Variants in SAMD5 observed in about 807,000 individuals in gnomAD.
The protein encoded by SAMD5 is sterile alpha motif domain containing 5.
A neutral mutation model predicts 11.3 loss-of-function variants in SAMD5; 13 were observed. The observed-to-expected ratio is 1.15, with a 90% CI of 0.75 to 1.83. The LOEUF (loss-of-function observed/expected upper bound fraction) is 1.83, where lower values mean the gene tolerates loss of function less well. Ranked by LOEUF, SAMD5 falls within the 40% of genes most tolerant of loss-of-function variation. The pLI, the probability that SAMD5 is intolerant of heterozygous loss-of-function variation, is 0.00. For synonymous variants in SAMD5, 129 were observed against 111.3 expected, an observed-to-expected ratio of 1.16 and a Z score of -1.00; for missense variants, 255 against 239.1, an observed-to-expected ratio of 1.07 and a Z score of -0.44.
the SAMD5 span, among the ~76,000 whole-genome samples, chr6:147,798,053 T>G: frequency 0.32 from 45,160 of 142,622 alleles, 7,760 homozygotes; most frequent in African/African-American, 0.45. Flanking sequence ...AGGGTTTTTT[T>G]TGTCTCTATT....
At chr6:147,826,988 C>G in the SAMD5 span, among the ~76,000 whole-genome samples, 1 of 152,136 alleles carries the variant, frequency 6.6e-6, no homozygotes, top group East Asian at 1.9e-4. Context: ...ATCCTACACC[C>G]GCAAGGATAT....
chr6:147,917,286 T>C, the SAMD5 span, among the ~76,000 whole-genome samples: 9 of 146,472 alleles, frequency 6.1e-5, no homozygotes, highest in African/African-American at 2.3e-4. Flanking sequence ...GTGGTTTTGA[T>C]TTGCATTTCT....
At chr6:147,690,285 T>C (rs1031542354) in intron 1 of SAMD5, among the ~76,000 whole-genome samples, 11 of 152,352 alleles carry the variant, frequency 7.2e-5, no homozygotes, top group Admixed American at 5.2e-4. Flanking sequence ...TAGAAAACTT[T>C]AGCTATTTAT....
At chr6:147,915,434 A>G in the SAMD5 span, among the ~76,000 whole-genome samples, 1 of 152,252 alleles carries the variant, frequency 6.6e-6, no homozygotes, top group African/African-American at 2.4e-5. Flanking sequence ...TTTTAAAAAG[A>G]CAAATGAGTT....
At chr6:147,842,046 G>T in the SAMD5 span, among the ~76,000 whole-genome samples, 1 of 152,210 alleles carries the variant, frequency 6.6e-6, no homozygotes, top group East Asian at 1.9e-4. Context: ...GCTCCTAAAT[G>T]CTTGTGCTTT....
chr6:147,781,826 G>A, the SAMD5 span, among the ~76,000 whole-genome samples: 3 of 150,370 alleles, frequency 2.0e-5, no homozygotes, highest in African/African-American at 7.3e-5. Flanking sequence ...TGGAAATAGG[G>A]CCACCATTTA....
chr6:147,878,228 G>A, the SAMD5 span, among the ~76,000 whole-genome samples: 1 of 151,868 alleles, frequency 6.6e-6, no homozygotes, highest in African/African-American at 2.4e-5. Flanking sequence ...TTCAGTACCT[G>A]GTGAGGACCC....
At chr6:147,953,293 G>GA in the SAMD5 span, 1 of 146,726 alleles carries the variant, frequency 6.8e-6, no homozygotes, top group East Asian at 2.0e-4. Flanking sequence ...TCTCATTTTG[G>GA]TTTTTTTTTT....
chr6:147,948,180 G>A, the SAMD5 span, among the ~76,000 whole-genome samples: 1 of 151,626 alleles, frequency 6.6e-6, no homozygotes, highest in Admixed American at 6.6e-5. Flanking sequence ...TAGTGACTGA[G>A]AGTTGCTGTT....
At chr6:147,767,198 T>C in the SAMD5 span, among the ~76,000 whole-genome samples, 1 of 152,224 alleles carries the variant, frequency 6.6e-6, no homozygotes, top group Admixed American at 6.5e-5. Flanking sequence ...TTGGGTTCCC[T>C]GTAAGAAACA....
rs189351307 is a variant in SAMD5 at position 147,578,181 on chromosome 6, T to C, written c.162+68794T>C. ...TCAGAAGAGGTTTCTCTCTACTTTA[T>C]AAATTTTTTGAATCTTGCCTTTGAA... On this transcript the variant is annotated intron_variant, in intron 1 of 1. Transcript: ENST00000566741. 5.3e-5 allele frequency among the ~76,000 whole-genome samples: 8 copies of C among 152,324 alleles called. No individual in the cohort carries two copies. The East Asian group carries it at 1.3e-3, about 26-fold the overall frequency.
At chr6:147,606,023 C>T (rs1583103848) in intron 1 of SAMD5, among the ~76,000 whole-genome samples, 1 of 151,978 alleles carries the variant, frequency 6.6e-6, no homozygotes, top group Non-Finnish European at 1.5e-5. Flanking sequence ...CTGGGATTAT[C>T]ATGTGAGGAA....
the SAMD5 span, among the ~76,000 whole-genome samples, chr6:147,891,972 G>A: frequency 1.3e-5 from 2 of 152,258 alleles, no homozygotes; most frequent in Non-Finnish European, 2.9e-5. Context: ...ATTTGTCAGT[G>A]GGTCAACAGC....
intron 1 of SAMD5, among the ~76,000 whole-genome samples, chr6:147,592,226 C>T (rs889639314): frequency 4.6e-5 from 7 of 152,170 alleles, no homozygotes; most frequent in Admixed American, 6.5e-5. Flanking sequence ...TAGGCTCCAG[C>T]GATCCTCCTG....
At chr6:147,838,878 G>A in the SAMD5 span, among the ~76,000 whole-genome samples, 4 of 152,176 alleles carry the variant, frequency 2.6e-5, no homozygotes, top group East Asian at 1.9e-4. Flanking sequence ...AGGCCAATGC[G>A]GCTACAGGAG....
chr6:147,593,179 T>C (rs926332383), intron 1 of SAMD5, among the ~76,000 whole-genome samples: 1 of 152,132 alleles, frequency 6.6e-6, no homozygotes, highest in Non-Finnish European at 1.5e-5. Flanking sequence ...CATTTATTCA[T>C]TTTACTGAAC....
At chr6:147,705,404 A>C (rs1791312116) in intron 1 of SAMD5, among the ~76,000 whole-genome samples, 2 of 152,252 alleles carry the variant, frequency 1.3e-5, no homozygotes, top group East Asian at 3.9e-4. Flanking sequence ...TAAAACGAAT[A>C]ATTTTCCTAG....
chr6:147,531,163 T>G (rs1788425040), intron 1 of SAMD5, among the ~76,000 whole-genome samples: 1 of 152,044 alleles, frequency 6.6e-6, no homozygotes, highest in Admixed American at 6.5e-5. Flanking sequence ...AAGTTTTTTT[T>G]TTTTTTTTGT....
Position 147,509,183 on chromosome 6 carries a change from G to T in SAMD5, c.255G>T (p.Pro85=). ...AGCCGCAGCCGGCGCCCCCCGGGCC[G>T]CCCGCCGACGCCGTCCCCACCGGCC... ...TLEPQPAPPG[P]PADAVPTGRR... The change falls in exon 1 of 2, where the codon CCG becomes CCT. Residue 85 remains proline, a synonymous_variant. Coordinates refer to ENST00000367474, the MANE Select transcript of SAMD5 (RefSeq NM_001030060.3). The T allele has an allele frequency of 7.8e-7, 1 of 1,285,550 alleles. No individual in the cohort carries two copies. The highest frequency in any genetic ancestry group is 1.6e-5 in the African/African-American group (1 of 64,190). 79.6% of individuals were successfully genotyped at this position (1,285,550 alleles called of 1,614,324 possible). A position where few individuals can be genotyped will look rare whatever the true frequency, so the allele number is the denominator to read the frequency against.
Sources: gnomAD v4.1 joint callset for allele counts (sites outside exome capture counted in the v4.1 genomes callset) on GRCh38, gnomAD v4.1.1 for gene constraint, MANE v1.5 for transcripts, NCBI Gene and HGNC (gene_info 2026-07-23, HGNC 2026-07-21) for gene names.